ASIC2: variants seen among roughly 807,000 people sequenced by gnomAD.
The protein encoded by ASIC2 is acid-sensing ion channel 2.
Under a neutral mutation model 57.3 loss-of-function variants are expected in ASIC2, and 25 were observed. The observed-to-expected ratio is 0.44, with a 90% confidence interval of 0.32 to 0.61. ASIC2 has a LOEUF of 0.61. ASIC2 is among the 20% of genes least tolerant of loss of function. The pLI is 0.06. For missense variants in ASIC2, 641 were observed against 738.1 expected, an observed-to-expected ratio of 0.87 and a Z score of 1.52; for synonymous variants, 319 against 307.5, an observed-to-expected ratio of 1.04 and a Z score of -0.39.
chr17:33,607,191 G>A (rs35178062), intron 1 of ASIC2, among the ~76,000 whole-genome samples: 30,286 of 152,126 alleles, frequency 0.2, 3,309 homozygotes, highest in African/African-American at 0.28. Flanking sequence ...GACCAATAAA[G>A]GCCAAGGAAC....
chr17:33,159,202 G>C (rs1905095127), intron 1 of ASIC2, among the ~76,000 whole-genome samples: 1 of 152,128 alleles, frequency 6.6e-6, no homozygotes, highest in Non-Finnish European at 1.5e-5. Context: ...ACAGTAATTT[G>C]GGCTTATGAT....
chr17:33,356,425 C>T (rs1359854139), intron 1 of ASIC2, among the ~76,000 whole-genome samples: 7 of 152,138 alleles, frequency 4.6e-5, no homozygotes, highest in Admixed American at 4.6e-4. Context: ...GATTCTGAGG[C>T]TATGCAAGAG....
chr17:33,681,329 T>C (rs1290663240), intron 1 of ASIC2, among the ~76,000 whole-genome samples: 8 of 152,218 alleles, frequency 5.3e-5, no homozygotes, highest in East Asian at 3.8e-4. Flanking sequence ...CTGTGTATTA[T>C]AGAATGTTTC....
intron 1 of ASIC2, among the ~76,000 whole-genome samples, chr17:34,063,136 C>G (rs139955698): frequency 0.015 from 2,349 of 152,216 alleles, 61 homozygotes; most frequent in East Asian, 0.059. Context: ...TACTAGCTAA[C>G]TGACTCCAAC....
At chr17:33,507,273 A>G (rs984598509) in intron 1 of ASIC2, among the ~76,000 whole-genome samples, 1 of 152,190 alleles carries the variant, frequency 6.6e-6, no homozygotes, top group African/African-American at 2.4e-5. Flanking sequence ...CCTTCCTCCC[A>G]GAGAGGGCCC....
chr17:33,456,046 G>A (rs116863343), intron 1 of ASIC2, among the ~76,000 whole-genome samples: 2 of 152,108 alleles, frequency 1.3e-5, no homozygotes, highest in African/African-American at 4.8e-5. Flanking sequence ...CCAGGCTTCC[G>A]GTCCAGGGCT....
At chr17:33,184,654 C>A (rs1906117480) in intron 1 of ASIC2, among the ~76,000 whole-genome samples, 1 of 152,172 alleles carries the variant, frequency 6.6e-6, no homozygotes, top group Non-Finnish European at 1.5e-5. Flanking sequence ...CCCCTCAACT[C>A]CACTTCCATC....
At chr17:33,856,615 C>A (rs1024348963) in intron 1 of ASIC2, among the ~76,000 whole-genome samples, 1 of 34,576 alleles carries the variant, frequency 2.9e-5, no homozygotes, top group Non-Finnish European at 7.3e-5. Flanking sequence ...TCAGAGGAAG[C>A]AGGAATTGTT....
At chr17:33,318,349 C>A (rs988778604) in intron 1 of ASIC2, among the ~76,000 whole-genome samples, 1 of 152,148 alleles carries the variant, frequency 6.6e-6, no homozygotes, top group African/African-American at 2.4e-5. Context: ...TACCACTGAG[C>A]CTGTCTTACC....
intron 1 of ASIC2, among the ~76,000 whole-genome samples, chr17:33,412,688 T>C (rs1440995875): frequency 6.6e-6 from 1 of 152,150 alleles, no homozygotes; most frequent in Non-Finnish European, 1.5e-5. Flanking sequence ...TGGATAAACA[T>C]AGGCATAGAG....
At chr17:33,506,095 T>C (rs987500649) in intron 1 of ASIC2, among the ~76,000 whole-genome samples, 2 of 152,072 alleles carry the variant, frequency 1.3e-5, no homozygotes, top group African/African-American at 4.8e-5. Flanking sequence ...GAGTAAAAGA[T>C]AGAAATGAGG....
intron 3 of ASIC2, among the ~76,000 whole-genome samples, chr17:33,082,316 A>C (rs2092116094): frequency 6.6e-6 from 1 of 152,178 alleles, no homozygotes; most frequent in South Asian, 2.1e-4. Flanking sequence ...TATTTGATGA[A>C]TACATGGATC....
intron 1 of ASIC2, among the ~76,000 whole-genome samples, chr17:33,299,481 T>C (rs772715586): frequency 3.9e-5 from 6 of 152,154 alleles, no homozygotes; most frequent in Non-Finnish European, 8.8e-5. Context: ...ACTGGAGTTG[T>C]TGTTCCTTCC....
intron 1 of ASIC2, among the ~76,000 whole-genome samples, chr17:33,946,913 T>C (rs1192828570): frequency 1.3e-5 from 2 of 152,110 alleles, no homozygotes; most frequent in Admixed American, 6.5e-5. Flanking sequence ...CAGTTTGGGG[T>C]GAAGGGGAGG....
At chr17:34,022,731 C>T (rs1907225236) in intron 1 of ASIC2, among the ~76,000 whole-genome samples, 1 of 151,994 alleles carries the variant, frequency 6.6e-6, no homozygotes. Flanking sequence ...AGAAGTGGTT[C>T]ATTAATAAGC....
intron 1 of ASIC2, among the ~76,000 whole-genome samples, chr17:33,716,879 C>T (rs190069788): frequency 6.6e-6 from 1 of 152,322 alleles, no homozygotes; most frequent in African/African-American, 2.4e-5. Context: ...ACTCTCTAAC[C>T]TAACAAGGCA....
At chr17:33,150,718 C>T (rs565361191) in intron 1 of ASIC2, among the ~76,000 whole-genome samples, 1 of 73,526 alleles carries the variant, frequency 1.4e-5, no homozygotes, top group Admixed American at 1.0e-4. Flanking sequence ...GGCGTAGTGG[C>T]GGGCGCCTGT....
At chr17:33,674,203 G>A (rs1212551007) in intron 1 of ASIC2, among the ~76,000 whole-genome samples, 1 of 152,056 alleles carries the variant, frequency 6.6e-6, no homozygotes, top group African/African-American at 2.4e-5. Flanking sequence ...CGTGTCTTTA[G>A]CAAGATATTT....
At chr17:33,752,762 C>T (rs1910474107) in intron 1 of ASIC2, among the ~76,000 whole-genome samples, 1 of 152,170 alleles carries the variant, frequency 6.6e-6, no homozygotes, top group African/African-American at 2.4e-5. Context: ...CCACATACAC[C>T]TCTGACAATG....
Sources: gnomAD v4.1 joint callset for allele counts (sites outside exome capture counted in the v4.1 genomes callset) on GRCh38, gnomAD v4.1.1 for gene constraint, MANE v1.5 for transcripts, NCBI Gene and HGNC (gene_info 2026-07-23, HGNC 2026-07-21) for gene names.